SPON1: variants seen among roughly 807,000 people sequenced by gnomAD.
SPON1 encodes the protein spondin-1.
In SPON1, 52 loss-of-function variants were observed where a neutral mutation model predicts 111.7. That is an observed-to-expected ratio of 0.47 (90% CI 0.37 to 0.59). SPON1 has a LOEUF of 0.59. Among genes scored for constraint, SPON1 ranks in the 20% least tolerant of loss-of-function variants. The pLI is 0.00. For missense variants in SPON1, 957 were observed against 1,068.5 expected (o/e 0.90, Z 1.46); for synonymous variants, 410 against 395.8 (o/e 1.04, Z -0.43).
rs1400268748 is a variant in SPON1, at chr11:14,265,821, G to C, written c.*134G>C. 9.7e-7 allele frequency: 1 copy of C among 1,029,050 alleles called. No individual in the cohort carries two copies. The highest frequency in any genetic ancestry group is 1.4e-6 in the Non-Finnish European group (1 of 715,164). The allele number at this position is 1,029,050 out of a possible 1,614,324, so 63.7% of individuals were successfully genotyped here. ...GCAGTGTGGTTCGCCCAGTAGTCTT[G>C]TGGATGCCAGAGACATCCTTTCTGA... On this transcript the variant is annotated 3_prime_UTR_variant, in exon 16 of 16. Coordinates refer to ENST00000576479, the MANE Select transcript of SPON1 (RefSeq NM_006108.4).
intron 6 of SPON1, among the ~76,000 whole-genome samples, chr11:14,180,393 C>T (rs578100340): frequency 6.6e-6 from 1 of 152,328 alleles, no homozygotes; most frequent in East Asian, 1.9e-4. Context: ...CAATACTGGG[C>T]TCCTAGAACT....
At position 14,168,495 on chromosome 11, in the gene SPON1, CT is replaced by C. The variant is rs561393472; in HGVS notation, c.825+32936del. Among the ~76,000 whole-genome samples, 261 of 151,340 alleles carry C rather than the reference CT, an allele frequency of 1.7e-3. 3 individuals carry two copies. The highest frequency in any genetic ancestry group is 6.0e-3 in the African/African-American group (246 of 41,246). ...AAGATTCAATGCTTGTAAAATTTTT[CT>C]TTTTTTTTCTTTTATTTTTATTATA... On this transcript the variant is annotated intron_variant, in intron 6 of 15. Coordinates refer to ENST00000576479, the MANE Select transcript of SPON1 (RefSeq NM_006108.4).
chr11:14,062,068 A>T (rs1040523834), intron 3 of SPON1, among the ~76,000 whole-genome samples: 3 of 152,220 alleles, frequency 2.0e-5, no homozygotes, highest in Non-Finnish European at 2.9e-5. Flanking sequence ...GATATACCAC[A>T]GCTCTAGGAG....
At chr11:14,137,989 AAAC>A (rs1847611460) in intron 6 of SPON1, among the ~76,000 whole-genome samples, 1 of 152,240 alleles carries the variant, frequency 6.6e-6, no homozygotes, top group Non-Finnish European at 1.5e-5. Flanking sequence ...GTCAGGTAAG[AAAC>A]AACATTAAAA....
At chr11:14,045,517 G>T (rs1285332991) in intron 3 of SPON1, among the ~76,000 whole-genome samples, 1 of 151,930 alleles carries the variant, frequency 6.6e-6, no homozygotes, top group African/African-American at 2.4e-5. Context: ...GATGGAGGTT[G>T]CAGTTAGCTG....
chr11:14,168,391 G>T (rs1279138115), intron 6 of SPON1, among the ~76,000 whole-genome samples: 1 of 152,092 alleles, frequency 6.6e-6, no homozygotes, highest in African/African-American at 2.4e-5. Context: ...CAAAATGTTT[G>T]ATTTAAGTGC....
chr11:14,198,944 C>T (rs1848432078), intron 6 of SPON1, among the ~76,000 whole-genome samples: 1 of 152,092 alleles, frequency 6.6e-6, no homozygotes, highest in Non-Finnish European at 1.5e-5. Flanking sequence ...CGAAAGATGA[C>T]CAGAGATAAA....
chr11:14,262,618 A>G, intron 14 of SPON1, 94 bp from the exon 15 acceptor site: 1 of 1,498,500 alleles, frequency 6.7e-7, no homozygotes, highest in African/African-American at 1.4e-5. Flanking sequence ...CCTGCTTTGC[A>G]TCCCTCATAG....
chr11:14,143,052 G>A (rs977030993), intron 6 of SPON1, among the ~76,000 whole-genome samples: 1 of 152,194 alleles, frequency 6.6e-6, no homozygotes, highest in Non-Finnish European at 1.5e-5. Context: ...GGTAGCCATA[G>A]GATCTTCCTC....
At chr11:14,130,387 AG>A (rs1554927428) in intron 5 of SPON1, among the ~76,000 whole-genome samples, 6 of 152,176 alleles carry the variant, frequency 3.9e-5, no homozygotes, top group Non-Finnish European at 8.8e-5. Context: ...CATGATCAAA[AG>A]TTCCTCCTGC....
intron 1 of SPON1, among the ~76,000 whole-genome samples, chr11:13,974,139 G>A (rs188353479): frequency 4.7e-4 from 72 of 152,324 alleles, no homozygotes; most frequent in African/African-American, 1.6e-3. Flanking sequence ...AGAAATATAT[G>A]AGTTGCAGCT....
At chr11:14,147,729 T>A (rs1346700189) in intron 6 of SPON1, among the ~76,000 whole-genome samples, 1 of 150,214 alleles carries the variant, frequency 6.7e-6, no homozygotes, top group Non-Finnish European at 1.5e-5. Context: ...AAACATTTTT[T>A]AAGTAGTGGA....
intron 3 of SPON1, among the ~76,000 whole-genome samples, chr11:14,072,991 A>C (rs1399937900): frequency 6.6e-6 from 1 of 152,080 alleles, no homozygotes; most frequent in African/African-American, 2.4e-5. Flanking sequence ...GGGACCAGAA[A>C]TGTTTTAGAT....
chr11:13,979,186 G>A (rs1285724924), intron 1 of SPON1, among the ~76,000 whole-genome samples: 1 of 152,136 alleles, frequency 6.6e-6, no homozygotes, highest in Admixed American at 6.5e-5. Context: ...TCTGGTGGTT[G>A]TCAACAGGCC....
intron 3 of SPON1, among the ~76,000 whole-genome samples, chr11:14,064,532 C>A (rs1554920193): frequency 6.6e-6 from 1 of 152,186 alleles, no homozygotes; most frequent in Non-Finnish European, 1.5e-5. Context: ...TGAAAGGTGG[C>A]TTGCACCCCA....
intron 6 of SPON1, among the ~76,000 whole-genome samples, chr11:14,171,654 C>T (rs1848102324): frequency 6.6e-6 from 1 of 152,064 alleles, no homozygotes; most frequent in South Asian, 2.1e-4. Flanking sequence ...CCTCTACACA[C>T]TGCTTTGAAT....
chr11:14,173,038 C>G (rs535468142), intron 6 of SPON1, among the ~76,000 whole-genome samples: 82 of 151,942 alleles, frequency 5.4e-4, no homozygotes, highest in African/African-American at 1.9e-3. Context: ...GAATGTTGGC[C>G]TGCCTCGCTA....
At chr11:14,122,434 A>G (rs1441837173) in intron 5 of SPON1, among the ~76,000 whole-genome samples, 2 of 152,154 alleles carry the variant, frequency 1.3e-5, no homozygotes, top group African/African-American at 4.8e-5. Context: ...CAGCCTCCCA[A>G]AGTGCTGGGA....
At chr11:14,171,345 CT>C (rs1297219477) in intron 6 of SPON1, among the ~76,000 whole-genome samples, 2 of 152,170 alleles carry the variant, frequency 1.3e-5, no homozygotes, top group Non-Finnish European at 2.9e-5. Flanking sequence ...CTGATATCCC[CT>C]TTGTCATTTT....
Sources: allele counts gnomAD v4.1 joint callset (sites outside exome capture counted in the v4.1 genomes callset), GRCh38; gene constraint gnomAD v4.1.1; transcripts MANE v1.5; gene names NCBI Gene and HGNC (gene_info 2026-07-23, HGNC 2026-07-21).